Variants in LRRC40 observed in about 807,000 individuals in gnomAD.
The protein encoded by LRRC40 is leucine-rich repeat-containing protein 40.
LRRC40 carries 76 observed loss-of-function variants against 72.8 expected under a neutral mutation model. That is an observed-to-expected ratio of 1.04 (90% confidence interval 0.87 to 1.26). The LOEUF is 1.26. Ranked by LOEUF, LRRC40 falls within the 50% of genes most tolerant of loss-of-function variation. The pLI is 0.00. For missense variants in LRRC40, 684 were observed against 698.9 expected (o/e 0.98, Z 0.24); for synonymous variants, 243 against 254.2 (o/e 0.96, Z 0.42).
intron 9 of LRRC40, among the ~76,000 whole-genome samples, chr1:70,173,156 G>A (rs1668033746): frequency 6.6e-6 from 1 of 151,962 alleles, no homozygotes; most frequent in Admixed American, 6.6e-5. Flanking sequence ...TATCCTGAAA[G>A]TCAAGTTTTA....
intron 13 of LRRC40, among the ~76,000 whole-genome samples, chr1:70,149,975 C>T (rs1486434181): frequency 6.6e-6 from 1 of 152,092 alleles, no homozygotes; most frequent in African/African-American, 2.4e-5. Flanking sequence ...GGCTGGAGTG[C>T]AGTGACGCAA....
intron 9 of LRRC40, among the ~76,000 whole-genome samples, chr1:70,164,220 A>C (rs1478179790): frequency 6.6e-6 from 1 of 151,894 alleles, no homozygotes; most frequent in Non-Finnish European, 1.5e-5. Context: ...GAGAAACCCT[A>C]TCTCTACTAA....
chr1:70,146,019 CT>C, intron 14 of LRRC40, 114 bp from the exon 15 acceptor site: 1 of 570,160 alleles, frequency 1.8e-6, no homozygotes, highest in Non-Finnish European at 3.0e-6. Context: ...CTATTTGCCC[CT>C]TTTTATTTTT....
intron 1 of LRRC40, among the ~76,000 whole-genome samples, chr1:70,204,221 C>G (rs1377395954): frequency 6.6e-6 from 1 of 152,180 alleles, no homozygotes; most frequent in Non-Finnish European, 1.5e-5. Context: ...TAATAAGACT[C>G]TACTATGTAC....
rs59341874 is a variant in LRRC40, at chr1:70,190,677, T to TAAAAAAAAAAAAAAAAAAAA, written c.152-1405_152-1404insTTTTTTTTTTTTTTTTTTTT. Among the ~76,000 whole-genome samples, 23 of 54,344 alleles carry TAAAAAAAAAAAAAAAAAAAA rather than the reference T, an allele frequency of 4.2e-4. 2 individuals carry two copies. The highest frequency in any genetic ancestry group is 2.4e-3 in the African/African-American group (19 of 7,904). 35.7% of individuals were successfully genotyped at this position (54,344 alleles called of 152,430 possible). ...GGGAAACAGAGTGAGACCCTGTCTC[T>TAAAAAAAAAAAAAAAAAAAA]AAAAAAAAAAAAAAAAAAACTTAAA... On this transcript the variant is annotated intron_variant, in intron 1 of 14. Coordinates refer to ENST00000370952, the MANE Select transcript of LRRC40 (RefSeq NM_017768.5).
In LRRC40 at chr1:70,196,633, G is replaced by GA. The variant is rs200291851; in HGVS notation, c.152-7361dup. 7.0e-3 allele frequency among the ~76,000 whole-genome samples: 1,036 copies of GA among 148,242 alleles called. 7 individuals are homozygous for GA. The highest frequency in any genetic ancestry group is 0.024 in the African/African-American group (968 of 40,516). Reference sequence around the variant, plus strand: ...ATTCTAAACAAAAGAAGCCCTAAGCGAAAAAAAAAATTGCAAATGTATTAT... The same window carrying GA: ...ATTCTAAACAAAAGAAGCCCTAAGCGAAAAAAAAAAATTGCAAATGTATTAT... On this transcript the variant is annotated intron_variant, in intron 1 of 14. Coordinates refer to ENST00000370952, the MANE Select transcript of LRRC40 (RefSeq NM_017768.5).
chr1:70,204,969 G>A (rs1449953173), intron 1 of LRRC40, among the ~76,000 whole-genome samples: 1 of 151,960 alleles, frequency 6.6e-6, no homozygotes, highest in Non-Finnish European at 1.5e-5. Flanking sequence ...GAACAGTGCA[G>A]GTTCACAAAG....
Position 70,184,806 on chromosome 1 carries a change from T to C in LRRC40, c.516A>G (p.Gln172=). The change falls in exon 4 of 15, where the codon CAA becomes CAG. Residue 172 remains glutamine (Q), a synonymous_variant. Coordinates refer to ENST00000370952, the MANE Select transcript of LRRC40 (RefSeq NM_017768.5). ...TTACTAAATCTTCTAAATTGGAAAG[T>C]TGTTCAAATCCCTCTGATATGCAGG... ...ELTCISEGFE[Q]LSNLEDLDLS... 1 of 1,604,682 alleles carries C rather than the reference T, an allele frequency of 6.2e-7. No individual in the cohort carries two copies. Among genetic ancestry groups the C allele is most frequent in the Non-Finnish European group, 8.5e-7 (1 of 1,177,356 alleles).
intron 13 of LRRC40, 116 bp downstream of exon 13, chr1:70,151,012 C>A: frequency 1.8e-6 from 1 of 553,418 alleles, no homozygotes; most frequent in East Asian, 3.2e-5. Flanking sequence ...AAAATAAAAT[C>A]TGGATATTGA....
intron 11 of LRRC40, among the ~76,000 whole-genome samples, chr1:70,153,237 C>A (rs531886432): frequency 1.4e-4 from 22 of 152,128 alleles, no homozygotes; most frequent in Admixed American, 1.0e-3. Context: ...TGGCGGGCAC[C>A]TGTAATCCCA....
At chr1:70,195,520 T>C (rs182367709) in intron 1 of LRRC40, among the ~76,000 whole-genome samples, 21 of 152,308 alleles carry the variant, frequency 1.4e-4, no homozygotes, top group Non-Finnish European at 2.1e-4. Flanking sequence ...GCCACAAGAA[T>C]AGTTAATATT....
intron 4 of LRRC40, among the ~76,000 whole-genome samples, chr1:70,183,588 G>C (rs2100314981): frequency 6.6e-6 from 1 of 151,274 alleles, no homozygotes; most frequent in Non-Finnish European, 1.5e-5. Flanking sequence ...AGGGTCTCCT[G>C]TCATCCACGC....
At position 70,197,746 on chromosome 1, in the gene LRRC40, G is replaced by T. The variant is rs145164514; in HGVS notation, c.151+7644C>A. Among the ~76,000 whole-genome samples, 906 of 151,952 alleles carry T rather than the reference G, an allele frequency of 6.0e-3. 4 individuals are homozygous for T. The highest frequency in any genetic ancestry group is 0.024 in the Middle Eastern group (7 of 292). ...TATGGGTGGATAAAGAGACAGAGAAGAAATAAAAAACATGCTTAAAATGGT... is the reference window on the plus strand; with the variant it reads ...TATGGGTGGATAAAGAGACAGAGAATAAATAAAAAACATGCTTAAAATGGT... On this transcript the variant is annotated intron_variant, in intron 1 of 14. Coordinates refer to ENST00000370952, the MANE Select transcript of LRRC40 (RefSeq NM_017768.5).
At chr1:70,167,338 T>G (rs1438779475) in intron 9 of LRRC40, among the ~76,000 whole-genome samples, 1 of 150,836 alleles carries the variant, frequency 6.6e-6, no homozygotes, top group Non-Finnish European at 1.5e-5. Context: ...GGCAGGCAAA[T>G]CATCTGAGGT....
chr1:70,152,321 G>T, intron 12 of LRRC40, 112 bp downstream of exon 12: 1 of 602,158 alleles, frequency 1.7e-6, no homozygotes. Context: ...AATAAATAAA[G>T]GCCAGTTTCC....
At chr1:70,199,482 A>T (rs904114477) in intron 1 of LRRC40, among the ~76,000 whole-genome samples, 1 of 152,042 alleles carries the variant, frequency 6.6e-6, no homozygotes, top group African/African-American at 2.4e-5. Flanking sequence ...TTATATATGG[A>T]TTTTCTGCTG....
chr1:70,190,241 T>C (rs1668463819), intron 1 of LRRC40, among the ~76,000 whole-genome samples: 3 of 152,178 alleles, frequency 2.0e-5, no homozygotes, highest in Admixed American at 2.0e-4. Context: ...GATTATCATT[T>C]CAAAACCATC....
In LRRC40 at chr1:70,187,384, T is replaced by A. The variant is rs112398705; in HGVS notation, c.334-46A>T. On this transcript the variant is annotated intron_variant, in intron 2 of 14. Coordinates refer to ENST00000370952, the MANE Select transcript of LRRC40 (RefSeq NM_017768.5). The stretch of plus-strand genomic sequence containing the variant: ...AAGTCAATATTCTTAGTCTTATCAT[T>A]AACAATATATAAGCTTTGCCAGTGT... The A allele has an allele frequency of 5.2e-4, 465 of 902,780 alleles. No homozygotes were observed. In the African/African-American group the frequency reaches 7.1e-3, roughly 14 times the overall value. 55.9% of individuals were successfully genotyped at this position (902,780 alleles called of 1,614,324 possible).
At chr1:70,188,578 C>T (rs1195941921) in intron 2 of LRRC40, among the ~76,000 whole-genome samples, 1 of 149,862 alleles carries the variant, frequency 6.7e-6, no homozygotes, top group Admixed American at 6.6e-5. Flanking sequence ...TCTACACACA[C>T]AAAAAAAAAT....
Sources: gnomAD v4.1 joint callset for allele counts (sites outside exome capture counted in the v4.1 genomes callset) on GRCh38, gnomAD v4.1.1 for gene constraint, MANE v1.5 for transcripts, NCBI Gene and HGNC (gene_info 2026-07-23, HGNC 2026-07-21) for gene names.